BCAS3: variants seen among roughly 807,000 people sequenced by gnomAD.
BCAS3 encodes the protein BCAS4/BCAS3 fusion.
A neutral mutation model predicts 116.1 loss-of-function variants in BCAS3; 53 were observed. That is an observed-to-expected ratio of 0.46 (90% CI 0.37 to 0.57). The LOEUF (loss-of-function observed/expected upper bound fraction) is 0.57. Ranked by LOEUF, BCAS3 falls within the 20% of genes least tolerant of loss-of-function variation. The pLI is 0.00. For missense variants in BCAS3, 917 were observed against 1,165.4 expected, an observed-to-expected ratio of 0.79 and a Z score of 3.10; for synonymous variants, 391 against 408.2, an observed-to-expected ratio of 0.96 and a Z score of 0.51.
At chr17:61,369,689 A>C (rs552303189) in intron 23 of BCAS3, among the ~76,000 whole-genome samples, 1 of 152,302 alleles carries the variant, frequency 6.6e-6, no homozygotes, top group East Asian at 1.9e-4. Context: ...ATAACTGGCA[A>C]ATGAACAGGA....
chr17:60,920,357 A>G (rs2059007885), intron 12 of BCAS3, among the ~76,000 whole-genome samples: 1 of 152,248 alleles, frequency 6.6e-6, no homozygotes, highest in Non-Finnish European at 1.5e-5. Flanking sequence ...TTTATCTGAT[A>G]AAGGTCTAAT....
chr17:60,859,906 G>T (rs745368212), intron 7 of BCAS3, among the ~76,000 whole-genome samples: 1 of 152,070 alleles, frequency 6.6e-6, no homozygotes, highest in Non-Finnish European at 1.5e-5. Flanking sequence ...CTCTGTTGAT[G>T]GGCATCTAGG....
chr17:60,913,229 A>G (rs1408973897), intron 12 of BCAS3, among the ~76,000 whole-genome samples: 1 of 152,092 alleles, frequency 6.6e-6, no homozygotes, highest in Non-Finnish European at 1.5e-5. Context: ...TTAAAAGTTA[A>G]GAATCTTAAA....
chr17:61,094,600 T>C (rs1406089744), intron 22 of BCAS3, among the ~76,000 whole-genome samples: 2 of 152,170 alleles, frequency 1.3e-5, no homozygotes, highest in Non-Finnish European at 2.9e-5. Flanking sequence ...ATAATCCCAG[T>C]ACTTTGGGAG....
At chr17:61,093,913 G>C (rs1446000519) in intron 22 of BCAS3, among the ~76,000 whole-genome samples, 2 of 152,132 alleles carry the variant, frequency 1.3e-5, no homozygotes, top group Non-Finnish European at 2.9e-5. Context: ...ATGTGCATTT[G>C]TACGAACATA....
intron 22 of BCAS3, among the ~76,000 whole-genome samples, chr17:61,340,371 T>C (rs2057052656): frequency 6.6e-6 from 1 of 152,084 alleles, no homozygotes; most frequent in East Asian, 1.9e-4. Context: ...TTAAATACCT[T>C]TCTGATGGCT....
chr17:61,044,479 T>TATATATATATATATATGC (rs1370417697), intron 19 of BCAS3, among the ~76,000 whole-genome samples: 1 of 143,944 alleles, frequency 6.9e-6, no homozygotes, highest in African/African-American at 2.8e-5. Flanking sequence ...TATATATATA[T>TATATATATATATATATGC]GCCATAAGAA....
chr17:61,225,641 G>C (rs1406543980), intron 22 of BCAS3, among the ~76,000 whole-genome samples: 18 of 152,110 alleles, frequency 1.2e-4, no homozygotes. Flanking sequence ...TGTCTCTGTG[G>C]ATGTTGCTTT....
At position 61,248,484 on chromosome 17, in the gene BCAS3, C is replaced by A. The variant is rs1049443872; in HGVS notation, c.2426-119843C>A. Among the ~76,000 whole-genome samples the A allele has an allele frequency of 2.6e-5, 4 of 152,190 alleles. No homozygotes were observed. The highest frequency in any genetic ancestry group is 2.6e-4 in the Admixed American group (4 of 15,284). The stretch of plus-strand genomic sequence containing the variant: ...TGGCAGTTGAAGGTCTAAGTCCCAG[C>A]CTGGCATGAATTCCCAGAGAGCCTT... On this transcript the variant is annotated intron_variant, in intron 22 of 23. Coordinates refer to ENST00000407086, the MANE Select transcript of BCAS3 (RefSeq NM_017679.5). This position sits in a 1 kb window ranked among gnomAD's most constrained non-coding sequence, Gnocchi z 4.3.
intron 7 of BCAS3, among the ~76,000 whole-genome samples, chr17:60,829,450 C>T (rs531645248): frequency 3.3e-5 from 5 of 150,818 alleles, no homozygotes; most frequent in African/African-American, 7.3e-5. Context: ...GCTGAGATCA[C>T]GCCACTGCAC....
intron 6 of BCAS3, among the ~76,000 whole-genome samples, chr17:60,777,912 G>A (rs1402464933): frequency 6.6e-6 from 1 of 152,094 alleles, no homozygotes; most frequent in South Asian, 2.1e-4. Context: ...TTGGAGATTA[G>A]ATTTTTATCT....
At chr17:60,869,653 T>A (rs902181412) in intron 8 of BCAS3, among the ~76,000 whole-genome samples, 1 of 152,174 alleles carries the variant, frequency 6.6e-6, no homozygotes, top group African/African-American at 2.4e-5. Context: ...AATTATAGGA[T>A]GTAGGAAAAA....
At chr17:60,943,148 A>G (rs1169134272) in intron 13 of BCAS3, among the ~76,000 whole-genome samples, 1 of 152,168 alleles carries the variant, frequency 6.6e-6, no homozygotes, top group Non-Finnish European at 1.5e-5. Flanking sequence ...AATATTCCAA[A>G]TAAATAGTCC....
chr17:60,695,364 G>A (rs544004152), intron 4 of BCAS3, among the ~76,000 whole-genome samples: 1 of 152,096 alleles, frequency 6.6e-6, no homozygotes, highest in African/African-American at 2.4e-5. Flanking sequence ...TGCCCACCTC[G>A]GCCTCCCAAA....
chr17:60,876,366 T>A (rs776268096), intron 9 of BCAS3, among the ~76,000 whole-genome samples: 11 of 152,078 alleles, frequency 7.2e-5, no homozygotes, highest in Non-Finnish European at 1.5e-4. Context: ...GCCTTTTCAC[T>A]AATACCCCTT....
chr17:61,335,380 TTTCTG>T (rs1391709336), intron 22 of BCAS3, among the ~76,000 whole-genome samples: 1 of 152,228 alleles, frequency 6.6e-6, no homozygotes, highest in Non-Finnish European at 1.5e-5. Context: ...GAACTACTAT[TTTCTG>T]CCTGTTGGGT....
rs952323714 is a variant in BCAS3 at position 61,186,750 on chromosome 17, G to A, written c.2425+102186G>A. Among the ~76,000 whole-genome samples, 5 of 150,692 alleles carry A rather than the reference G, an allele frequency of 3.3e-5. No homozygotes were observed. Among genetic ancestry groups the A allele is most frequent in the African/African-American group, 7.3e-5 (3 of 40,832 alleles). The stretch of plus-strand genomic sequence containing the variant: ...TTTTGAGACGGAGTCTCGCTCTGTC[G>A]CCCAGGTTGGAGTGCAGTGGCACGA... On this transcript the variant is annotated intron_variant, in intron 22 of 23. Coordinates refer to ENST00000407086, the MANE Select transcript of BCAS3 (RefSeq NM_017679.5). The surrounding 1 kb of genome is among the most constrained non-coding windows in gnomAD (Gnocchi z 4.9).
chr17:60,999,344 C>T (rs1034771699), intron 15 of BCAS3, among the ~76,000 whole-genome samples: 6 of 151,890 alleles, frequency 4.0e-5, no homozygotes, highest in Non-Finnish European at 5.9e-5. Flanking sequence ...TCGAGACCAG[C>T]CTGGCCAACG....
chr17:61,219,443 A>C lies in BCAS3; in HGVS notation c.2425+134879A>C, dbSNP rs923843595. ...CCATTGACTTGGTCTCTGTGTGCCC[A>C]TATTACTGGTGCTGCCAGCTCAGGG... is the stretch of plus-strand genomic sequence containing the variant. On this transcript the variant is annotated intron_variant, in intron 22 of 23. Transcript: ENST00000407086. The surrounding 1 kb of genome is among the most constrained non-coding windows in gnomAD (Gnocchi z 5.2). 1.3e-5 allele frequency among the ~76,000 whole-genome samples: 2 copies of C among 152,168 alleles called. No individual in the cohort carries two copies. Among genetic ancestry groups the C allele is most frequent in the Admixed American group, 6.5e-5 (1 of 15,276 alleles).
Sources: gnomAD v4.1 joint callset for allele counts (sites outside exome capture counted in the v4.1 genomes callset) on GRCh38, gnomAD v4.1.1 for gene constraint, Gnocchi (gnomAD v3.1) non-coding constraint, MANE v1.5 for transcripts, NCBI Gene and HGNC (gene_info 2026-07-23, HGNC 2026-07-21) for gene names.